The following PTPN3 variants were observed in gnomAD, a reference collection of about 807,000 sequenced individuals.
PTPN3 encodes tyrosine-protein phosphatase non-receptor type 3.
PTPN3 carries 96 observed loss-of-function variants against 132.7 expected under a neutral mutation model. That is an observed-to-expected ratio of 0.72 (90% CI 0.61 to 0.86). The LOEUF (loss-of-function observed/expected upper bound fraction) is 0.86, where lower values mean the gene tolerates loss of function less well. Among genes scored for constraint, PTPN3 ranks in the 40% least tolerant of loss-of-function variants. The probability of loss-of-function intolerance (pLI) is 0.00; values close to 1 mark genes in which losing one functional copy is unlikely to be tolerated. For missense variants in PTPN3, 1,125 were observed against 1,159.6 expected, an observed-to-expected ratio of 0.97 and a Z score of 0.43; for synonymous variants, 398 against 429.0, an observed-to-expected ratio of 0.93 and a Z score of 0.89.
At chr9:109,435,022 G>T (rs1025930078) in intron 9 of PTPN3, among the ~76,000 whole-genome samples, 1 of 152,178 alleles carries the variant, frequency 6.6e-6, no homozygotes, top group African/African-American at 2.4e-5. Flanking sequence ...AACCAAATTT[G>T]CTTGATGAAG....
chr9:109,488,503 C>G (rs1847318047), intron 1 of PTPN3, among the ~76,000 whole-genome samples: 1 of 152,182 alleles, frequency 6.6e-6, no homozygotes, highest in African/African-American at 2.4e-5. Context: ...CCGGAACATT[C>G]CTTTACTAAC....
At chr9:109,380,367 T>C (rs1321814926) in intron 25 of PTPN3, among the ~76,000 whole-genome samples, 3 of 152,200 alleles carry the variant, frequency 2.0e-5, no homozygotes, top group African/African-American at 7.2e-5. Flanking sequence ...GCGATTCTCC[T>C]GCCTCAGCCT....
At chr9:109,474,291 C>T (rs186497526) in intron 1 of PTPN3, among the ~76,000 whole-genome samples, 1 of 152,304 alleles carries the variant, frequency 6.6e-6, no homozygotes, top group East Asian at 1.9e-4. Context: ...CATCTGACTA[C>T]GATTTCATGG....
In PTPN3 at chr9:109,389,351, T is replaced by C. The variant is rs768195763; in HGVS notation, c.2135A>G (p.Asn712Ser). ...GGGCCCCTGAGTGGCGATGTACTTG[T>C]TCACAAGGTTAGCAGCAGGAATTTC... ...NMEIPAANLVNKYIATQGPLP... is the reference protein window; with the variant it reads ...NMEIPAANLVSKYIATQGPLP... The change falls in exon 22 of 26, where the codon AAC (asparagine) becomes AGC (serine). Residue 712 changes from asparagine to serine, a missense_variant. Physicochemically the swap from Asn to Ser is conservative, Grantham distance 46. Transcript: ENST00000374541. 1.2e-6 allele frequency: 2 copies of C among 1,613,730 alleles called. No individual in the cohort carries two copies. The highest frequency in any genetic ancestry group is 2.2e-5 in the South Asian group (2 of 90,884).
At chr9:109,465,848 TTTTA>T (rs1846079605) in intron 1 of PTPN3, among the ~76,000 whole-genome samples, 1 of 152,204 alleles carries the variant, frequency 6.6e-6, no homozygotes, top group Non-Finnish European at 1.5e-5. Context: ...GTTAACTTTT[TTTTA>T]TTAATTCTCC....
chr9:109,465,677 C>T (rs533754154), intron 1 of PTPN3, among the ~76,000 whole-genome samples: 2 of 141,574 alleles, frequency 1.4e-5, no homozygotes, highest in African/African-American at 2.8e-5. Context: ...CCATTGCACT[C>T]CCTGGGCAAA....
intron 1 of PTPN3, among the ~76,000 whole-genome samples, chr9:109,476,417 A>G (rs1177528818): frequency 6.6e-6 from 1 of 152,178 alleles, no homozygotes; most frequent in Non-Finnish European, 1.5e-5. Context: ...TATAATTGCT[A>G]CTAAAAAATA....
At chr9:109,480,182 G>C (rs556705750) in intron 1 of PTPN3, among the ~76,000 whole-genome samples, 1 of 152,158 alleles carries the variant, frequency 6.6e-6, no homozygotes, top group East Asian at 1.9e-4. Context: ...GTGTTAGTGT[G>C]AGCTGTTGAC....
Position 109,391,875 on chromosome 9 carries a change from G to C in PTPN3, c.1954-314C>G, listed in dbSNP as rs972058194. Among the ~76,000 whole-genome samples, 15 of 105,120 alleles carry C rather than the reference G, an allele frequency of 1.4e-4. 2 individuals carry two copies. Among genetic ancestry groups the C allele is most frequent in the Non-Finnish European group, 2.4e-4 (12 of 50,974 alleles). 69.0% of individuals were successfully genotyped at this position (105,120 alleles called of 152,430 possible). ...GAGCTAAAAGCAACTAGATGTGGGG[G>C]GGGGGGGGAAGAATTCTGGCTCAAA... On this transcript the variant is annotated intron_variant, in intron 19 of 25. Transcript: ENST00000374541.
At chr9:109,396,154 G>A (rs909755216) in intron 19 of PTPN3, among the ~76,000 whole-genome samples, 2 of 152,146 alleles carry the variant, frequency 1.3e-5, no homozygotes, top group South Asian at 2.1e-4. Flanking sequence ...GAGCCACTGC[G>A]CCTGGCCTCA....
chr9:109,438,155 C>T lies in PTPN3; in HGVS notation c.546G>A (p.Glu182=), dbSNP rs779616581. ...SDSHFIPDQN[E]DFLTKVESLH... is the part of the protein sequence containing the mutation. ...GAGATTCGACTTTTGTTAAAAAGTCCTCATTTTGATCGGGTATAAAGTGAC... is the reference window on the plus strand; with the variant it reads ...GAGATTCGACTTTTGTTAAAAAGTCTTCATTTTGATCGGGTATAAAGTGAC... Residue 182 remains glutamate, a synonymous_variant, in exon 8 of 26, where the codon GAG becomes GAA. Transcript: ENST00000374541. The T allele has an allele frequency of 3.1e-6, 5 of 1,613,818 alleles. No individual in the cohort carries two copies. The Admixed American group carries it at 6.7e-5, about 22-fold the overall frequency.
chr9:109,399,660 GAA>G (rs370091526), intron 19 of PTPN3, among the ~76,000 whole-genome samples: 7 of 137,990 alleles, frequency 5.1e-5, no homozygotes, highest in African/African-American at 1.9e-4. Context: ...TTCCCTTTAT[GAA>G]AAAAAAAAAA....
chr9:109,509,055 G>A, the PTPN3 span, among the ~76,000 whole-genome samples: 2 of 152,304 alleles, frequency 1.3e-5, no homozygotes, highest in South Asian at 4.1e-4. Flanking sequence ...AGATCTACAG[G>A]TGAAGGGCAC....
intron 10 of PTPN3, chr9:109,428,936 G>A (rs1352097714): frequency 2.2e-5 from 22 of 985,280 alleles, no homozygotes; most frequent in Non-Finnish European, 2.7e-5. Flanking sequence ...AGAAACATAG[G>A]CCATGCGCTC....
chr9:109,426,234 ACAT>A (rs1184828492), intron 12 of PTPN3, among the ~76,000 whole-genome samples: 1 of 149,266 alleles, frequency 6.7e-6, no homozygotes, highest in Non-Finnish European at 1.5e-5. Flanking sequence ...CTTTTACTGT[ACAT>A]CATTTTATTT....
rs373493427 is a variant in PTPN3, at chr9:109,383,504, G to C, written c.2301C>G (p.His767Gln). 6 of 1,613,990 alleles carry C rather than the reference G, an allele frequency of 3.7e-6. No individual in the cohort carries two copies. Among genetic ancestry groups the C allele is most frequent in the Middle Eastern group, 1.6e-4 (1 of 6,084 alleles). The change falls in exon 23 of 26, where the codon CAC becomes CAG. Residue 767 changes from histidine to glutamine, a missense_variant. His to Gln is a conservative substitution (Grantham distance 24). Transcript: ENST00000374541. ...ACTGACACTGGATGTGAAAGCCGCC[G>C]TGGTTCATGACGTCGGGGGGATCTG... The part of the protein sequence containing the change: ...YWPDPPDVMN[H>Q]GGFHIQCQSE...
intron 22 of PTPN3, among the ~76,000 whole-genome samples, chr9:109,385,879 A>C (rs1839541170): frequency 6.6e-6 from 1 of 152,114 alleles, no homozygotes; most frequent in African/African-American, 2.4e-5. Flanking sequence ...TCCAGTCCCC[A>C]GGTGTGGTTT....
chr9:109,377,902 A>C lies in PTPN3; in HGVS notation c.*1654T>G, dbSNP rs886623333. On this transcript the variant is annotated 3_prime_UTR_variant, in exon 26 of 26. Transcript: ENST00000374541. ...CTGAATCCCCTGCCCCTTAGCTGCA[A>C]ACTTTCTGGTGGTTTCTTGTTTTCA... 6.6e-6 allele frequency: 1 copy of C among 152,192 alleles called. No individual in the cohort carries two copies. Among genetic ancestry groups the C allele is most frequent in the Non-Finnish European group, 1.5e-5 (1 of 68,032 alleles). 9.4% of individuals were successfully genotyped at this position (152,192 alleles called of 1,614,324 possible). A position where few individuals can be genotyped will look rare whatever the true frequency, so the allele number is the denominator to read the frequency against.
At chr9:109,400,122 CT>C (rs1840962162) in intron 19 of PTPN3, among the ~76,000 whole-genome samples, 1 of 151,878 alleles carries the variant, frequency 6.6e-6, no homozygotes, top group Admixed American at 6.6e-5. Flanking sequence ...GAGATGAGGT[CT>C]TGTTATGTTG....
Sources: allele counts gnomAD v4.1 joint callset (sites outside exome capture counted in the v4.1 genomes callset), GRCh38; gene constraint gnomAD v4.1.1; transcripts MANE v1.5; gene names NCBI Gene and HGNC (gene_info 2026-07-23, HGNC 2026-07-21).